The following HTT variants were observed in gnomAD, a reference collection of about 807,000 sequenced individuals.
The protein encoded by HTT is huntingtin.
In HTT, 104 loss-of-function variants were observed where a neutral mutation model predicts 362.3. The observed-to-expected ratio is 0.29, with a 90% CI of 0.24 to 0.34. The LOEUF is 0.34. Ranked by LOEUF, HTT falls within the 10% of genes least tolerant of loss-of-function variation. The pLI is 1.00. For synonymous variants in HTT, 1,577 were observed against 1,548.7 expected (o/e 1.02, Z -0.43); for missense variants, 3,301 against 3,928.6 (o/e 0.84, Z 4.27).
Position 3,146,780 on chromosome 4 carries a change from C to G in HTT, c.3144-17C>G. On this transcript the variant is annotated splice_polypyrimidine_tract_variant and intron_variant, in intron 24 of 66. Transcript: ENST00000355072. ...AAAAATTGTCTATAATTTGACTTTG[C>G]AAATGTCTGCTTCCAGAGTGCCTCC... The G allele has an allele frequency of 6.2e-7, 1 of 1,611,122 alleles. No homozygotes were observed. The highest frequency in any genetic ancestry group is 8.5e-7 in the Non-Finnish European group (1 of 1,177,596).
chr4:3,156,999 T>G, intron 27 of HTT, 73 bp from the exon 28 acceptor site: 1 of 1,236,580 alleles, frequency 8.1e-7, no homozygotes. Context: ...AATCATGATT[T>G]CCAGTAATCT....
chr4:3,143,846 G>A (rs956772882), intron 23 of HTT, among the ~76,000 whole-genome samples: 14 of 152,000 alleles, frequency 9.2e-5, no homozygotes, highest in East Asian at 1.9e-4. Flanking sequence ...CAGGTGATCC[G>A]CCCTCCTCGA....
intron 40 of HTT, among the ~76,000 whole-genome samples, chr4:3,189,555 A>T (rs1578573604): frequency 6.6e-6 from 1 of 152,272 alleles, no homozygotes; most frequent in East Asian, 1.9e-4. Flanking sequence ...TTCCACTTAC[A>T]TGAGGGACCT....
At chr4:3,083,578 C>CACACACATATATATATATATAT (rs1713038138) in intron 1 of HTT, among the ~76,000 whole-genome samples, 1 of 131,888 alleles carries the variant, frequency 7.6e-6, no homozygotes, top group Non-Finnish European at 1.6e-5. Context: ...CACACACACA[C>CACACACATATATATATATATAT]ACACACACAT....
At position 3,154,328 on chromosome 4, in the gene HTT, A is replaced by G. The variant is rs145260975; in HGVS notation, c.3534A>G (p.Leu1178=). 1.9e-4 allele frequency: 300 copies of G among 1,609,332 alleles called. No individual in the cohort carries two copies. In the African/African-American group the frequency reaches 3.5e-3, roughly 19 times the overall value. ...ALPSLTNPPS[L]SPIRRKGKEK... ...CTTCTCTAACAAACCCCCCTTCTCT[A>G]AGTCCCATCCGACGAAAGGGGAAGG... Residue 1178 remains leucine, a synonymous_variant, in exon 27 of 67, where the codon CTA becomes CTG. Transcript: ENST00000355072.
In HTT at chr4:3,082,046, A is replaced by G. The variant is rs74431065; in HGVS notation, c.264-4893A>G. ...AGTGTTTCTTGTGTCTTCTTCCCAG[A>G]TTTTAATATGCATATACAAGCATTT... On this transcript the variant is annotated intron_variant, in intron 1 of 66. Transcript: ENST00000355072. Among the ~76,000 whole-genome samples the G allele has an allele frequency of 9.4e-3, 1,432 of 152,262 alleles. 27 individuals are homozygous for G. Among genetic ancestry groups the G allele is most frequent in the African/African-American group, 0.033 (1,355 of 41,538 alleles).
chr4:3,172,833 T>G, intron 30 of HTT, 75 bp from the exon 31 acceptor site: 1 of 1,016,904 alleles, frequency 9.8e-7, no homozygotes. Flanking sequence ...TACAGATGGA[T>G]TTGATATTTG....
intron 2 of HTT, among the ~76,000 whole-genome samples, chr4:3,098,018 G>A (rs763456968): frequency 4.6e-5 from 7 of 152,110 alleles, no homozygotes; most frequent in Non-Finnish European, 5.9e-5. Flanking sequence ...AATACTTTGG[G>A]TGTATTGGGT....
intron 2 of HTT, among the ~76,000 whole-genome samples, chr4:3,095,645 T>A (rs1035908451): frequency 6.6e-6 from 1 of 152,238 alleles, no homozygotes; most frequent in Admixed American, 6.5e-5. Context: ...ACATAGTTTG[T>A]GGTAATTTGT....
chr4:3,076,043 G>C (rs553547705), intron 1 of HTT, among the ~76,000 whole-genome samples: 1 of 152,178 alleles, frequency 6.6e-6, no homozygotes, highest in Non-Finnish European at 1.5e-5. Flanking sequence ...AGGCTTGCCA[G>C]AATACGGGGG....
chr4:3,108,963 G>T (rs552671690), intron 6 of HTT, among the ~76,000 whole-genome samples: 1 of 151,914 alleles, frequency 6.6e-6, no homozygotes, highest in Admixed American at 6.6e-5. Context: ...CAGGAGGCTC[G>T]GTTGAGCCCA....
intron 18 of HTT, 66 bp from the exon 19 acceptor site, chr4:3,134,335 C>T (rs1280534370): frequency 1.4e-6 from 2 of 1,451,630 alleles, no homozygotes; most frequent in Non-Finnish European, 1.9e-6. Context: ...GGTTCTCAAA[C>T]CGTCAAGACG....
chr4:3,193,124 C>T (rs150110247), intron 40 of HTT, among the ~76,000 whole-genome samples: 3 of 152,202 alleles, frequency 2.0e-5, no homozygotes, highest in Non-Finnish European at 2.9e-5. Context: ...GGCAGGATGC[C>T]GGTAGGGCCC....
At chr4:3,223,681 C>T (rs1720778058) in intron 55 of HTT, 121 bp downstream of exon 55, 1 of 934,782 alleles carries the variant, frequency 1.1e-6, no homozygotes, top group Non-Finnish European at 1.6e-6. Context: ...ATTGAAAACA[C>T]CGTCCGTGTG....
chr4:3,178,775 A>G (rs1167880125), intron 35 of HTT, among the ~76,000 whole-genome samples: 1 of 152,256 alleles, frequency 6.6e-6, no homozygotes, highest in African/African-American at 2.4e-5. Context: ...CCAAAAGGCC[A>G]AGAAGCGATG....
At chr4:3,238,765 G>A (rs1578620747) in intron 65 of HTT, 53 bp from the exon 66 acceptor site, 1 of 1,262,930 alleles carries the variant, frequency 7.9e-7, no homozygotes, top group African/African-American at 1.5e-5. Context: ...GGCGCAGCAG[G>A]TGCTTCCCGT....
At chr4:3,083,586 C>CACACACACAT (rs1713041709) in intron 1 of HTT, among the ~76,000 whole-genome samples, 1 of 118,600 alleles carries the variant, frequency 8.4e-6, no homozygotes, top group Admixed American at 8.8e-5. Context: ...CACACACACA[C>CACACACACAT]ATATATATGT....
rs367892611 is a variant in HTT at position 3,095,490 on chromosome 4, T to TGGCTC, written c.348-3780_348-3776dup. Among the ~76,000 whole-genome samples, 931 of 152,302 alleles carry TGGCTC rather than the reference T, an allele frequency of 6.1e-3. 11 individuals are homozygous for TGGCTC. The highest frequency in any genetic ancestry group is 0.021 in the African/African-American group (893 of 41,566). ...AGATGGTGGCAGTACAGTCCAGCCTTGGCTCGGCATCAGAGGGAGACTGTG... is the reference window on the plus strand; with the variant it reads ...AGATGGTGGCAGTACAGTCCAGCCTTGGCTCGGCTCGGCATCAGAGGGAGACTGTG... On this transcript the variant is annotated intron_variant, in intron 2 of 66. Transcript: ENST00000355072.
chr4:3,192,379 C>T (rs2110253810), intron 40 of HTT, among the ~76,000 whole-genome samples: 1 of 152,308 alleles, frequency 6.6e-6, no homozygotes, highest in African/African-American at 2.4e-5. Flanking sequence ...CGCCCAGTCT[C>T]ATCTCTGCTT....
Sources: gnomAD v4.1 joint callset for allele counts (sites outside exome capture counted in the v4.1 genomes callset) on GRCh38, gnomAD v4.1.1 for gene constraint, MANE v1.5 for transcripts, NCBI Gene and HGNC (gene_info 2026-07-23, HGNC 2026-07-21) for gene names.